The following RBFOX1 variants were observed in gnomAD, a reference collection of about 807,000 sequenced individuals.
The protein encoded by RBFOX1 is RNA binding protein fox-1 homolog 1.
In RBFOX1, 8 loss-of-function variants were observed where a neutral mutation model predicts 57.7. The ratio of observed to expected loss-of-function variants is 0.14; its 90% CI spans 0.08 to 0.25. The LOEUF (loss-of-function observed/expected upper bound fraction) is 0.25. RBFOX1 is among the 10% of genes least tolerant of loss of function. The pLI, the probability that RBFOX1 is intolerant of heterozygous loss-of-function variation, is 1.00. For missense variants in RBFOX1, 611 were observed against 548.5 expected, an observed-to-expected ratio of 1.11 and a Z score of -1.14; for synonymous variants, 326 against 222.4, an observed-to-expected ratio of 1.47 and a Z score of -4.15.
At chr16:7,453,021 A>G (rs921039001) in intron 4 of RBFOX1, among the ~76,000 whole-genome samples, 1 of 149,790 alleles carries the variant, frequency 6.7e-6, no homozygotes, top group Non-Finnish European at 1.5e-5. Flanking sequence ...TGCAGCTACT[A>G]GGGGGGCTGA....
chr16:7,522,781 TC>T (rs780481837), intron 5 of RBFOX1, among the ~76,000 whole-genome samples: 5 of 152,114 alleles, frequency 3.3e-5, no homozygotes, highest in Non-Finnish European at 5.9e-5. Context: ...AGGAATAGGA[TC>T]AAGAGTATTC....
intron 1 of RBFOX1, among the ~76,000 whole-genome samples, chr16:6,270,796 T>A (rs1214486649): frequency 6.6e-6 from 1 of 152,126 alleles, no homozygotes; most frequent in Non-Finnish European, 1.5e-5. Flanking sequence ...ATGGGAGATA[T>A]CCTGGGCCAT....
chr16:7,046,049 T>C (rs1236609181), intron 3 of RBFOX1, among the ~76,000 whole-genome samples: 1 of 152,228 alleles, frequency 6.6e-6, no homozygotes, highest in Non-Finnish European at 1.5e-5. Context: ...GGTACTGATA[T>C]TAAAATACTT....
At chr16:5,574,545 A>G (rs1267259711) in intron 2 of RBFOX1, among the ~76,000 whole-genome samples, 1 of 151,812 alleles carries the variant, frequency 6.6e-6, no homozygotes, top group African/African-American at 2.4e-5. Flanking sequence ...CCTCCCGAGT[A>G]GCTGGGATTA....
At chr16:5,870,790 A>C (rs923801157) in intron 4 of RBFOX1, among the ~76,000 whole-genome samples, 9 of 152,150 alleles carry the variant, frequency 5.9e-5, no homozygotes, top group Admixed American at 1.3e-4. Flanking sequence ...TATTCATGGC[A>C]TGTTCTGTTA....
intron 1 of RBFOX1, among the ~76,000 whole-genome samples, chr16:5,399,817 A>G (rs560453284): frequency 5.3e-5 from 8 of 151,994 alleles, no homozygotes; most frequent in South Asian, 2.1e-4. Context: ...CCATCTGTCT[A>G]TCCCTTAAGG....
At position 6,362,649 on chromosome 16, in the gene RBFOX1, A is replaced by G. The variant is rs74007303; in HGVS notation, c.-64+45592A>G. On this transcript the variant is annotated intron_variant, in intron 2 of 15. Coordinates refer to ENST00000550418, the MANE Select transcript of RBFOX1 (RefSeq NM_018723.4). ...GATGGCTTCATAGACTGATACTAGAATCCTGACGGCTTTAACCAGAAGGTG... is the reference window on the plus strand; with the variant it reads ...GATGGCTTCATAGACTGATACTAGAGTCCTGACGGCTTTAACCAGAAGGTG... 1.2e-3 allele frequency among the ~76,000 whole-genome samples: 180 copies of G among 152,310 alleles called. 2 individuals carry two copies. Among genetic ancestry groups the G allele is most frequent in the African/African-American group, 4.1e-3 (171 of 41,574 alleles).
At chr16:7,442,687 G>A (rs1025526786) in intron 4 of RBFOX1, among the ~76,000 whole-genome samples, 2 of 152,112 alleles carry the variant, frequency 1.3e-5, no homozygotes, top group Non-Finnish European at 2.9e-5. Context: ...GCAAAGTTGG[G>A]TCATGAATCT....
At chr16:6,513,726 C>G (rs1261690562) in intron 2 of RBFOX1, among the ~76,000 whole-genome samples, 1 of 151,880 alleles carries the variant, frequency 6.6e-6, no homozygotes, top group East Asian at 1.9e-4. Flanking sequence ...AAGAGTGAGA[C>G]TTCGTCTCAA....
chr16:7,371,650 T>G (rs2097568313), intron 4 of RBFOX1, among the ~76,000 whole-genome samples: 1 of 152,082 alleles, frequency 6.6e-6, no homozygotes, highest in Non-Finnish European at 1.5e-5. Context: ...CTCAGGATAC[T>G]GAGGCAGGAG....
intron 3 of RBFOX1, among the ~76,000 whole-genome samples, chr16:6,849,135 C>T (rs760769429): frequency 1.1e-4 from 17 of 152,200 alleles, no homozygotes; most frequent in Middle Eastern, 3.4e-3. Context: ...TAATCATCCC[C>T]AGAGAGTGAA....
At chr16:7,386,371 A>G (rs2097881458) in intron 4 of RBFOX1, among the ~76,000 whole-genome samples, 2 of 151,840 alleles carry the variant, frequency 1.3e-5, no homozygotes, top group South Asian at 4.2e-4. Context: ...TCCTAAAGCT[A>G]TACCCCCCAG....
In RBFOX1 at chr16:7,049,938, G is replaced by A. The variant is rs1598096696; in HGVS notation, c.-15-2119G>A. Among the ~76,000 whole-genome samples the A allele has an allele frequency of 2.0e-5, 3 of 152,224 alleles. No homozygotes were observed. In the Middle Eastern group the frequency reaches 0.01, roughly 518 times the overall value. On this transcript the variant is annotated intron_variant, in intron 3 of 15. Coordinates refer to ENST00000550418, the MANE Select transcript of RBFOX1 (RefSeq NM_018723.4). Reference sequence around the variant, plus strand: ...CATTTAAGTACATTCACAATGTTGTGCAAATATCCAGTTTGAGAACATTTT... The same window carrying A: ...CATTTAAGTACATTCACAATGTTGTACAAATATCCAGTTTGAGAACATTTT...
intron 2 of RBFOX1, among the ~76,000 whole-genome samples, chr16:6,364,963 A>C (rs930406431): frequency 1.3e-5 from 2 of 152,124 alleles, no homozygotes; most frequent in African/African-American, 4.8e-5. Flanking sequence ...AAACTGTGAT[A>C]AGAAATATCA....
chr16:6,919,939 A>G (rs1200349727), intron 3 of RBFOX1, among the ~76,000 whole-genome samples: 2 of 151,758 alleles, frequency 1.3e-5, no homozygotes, highest in Non-Finnish European at 2.9e-5. Context: ...ACCCCCTCCC[A>G]CTTTTCCCCT....
At chr16:6,722,407 A>G (rs2066194261) in intron 3 of RBFOX1, among the ~76,000 whole-genome samples, 1 of 152,216 alleles carries the variant, frequency 6.6e-6, no homozygotes, top group Non-Finnish European at 1.5e-5. Flanking sequence ...GTCCTTAGGA[A>G]GTATATTATT....
intron 1 of RBFOX1, among the ~76,000 whole-genome samples, chr16:6,126,857 C>G (rs2096593281): frequency 6.6e-6 from 1 of 152,144 alleles, no homozygotes; most frequent in South Asian, 2.1e-4. Flanking sequence ...CTTCATGAGG[C>G]TTACACTCTC....
At chr16:6,172,746 G>C (rs1011854108) in intron 1 of RBFOX1, among the ~76,000 whole-genome samples, 2 of 152,226 alleles carry the variant, frequency 1.3e-5, no homozygotes, top group African/African-American at 4.8e-5. Flanking sequence ...CTGCAGGACA[G>C]AAGGGTTTTG....
At chr16:5,461,706 C>T (rs1345609292) in intron 1 of RBFOX1, among the ~76,000 whole-genome samples, 3 of 152,006 alleles carry the variant, frequency 2.0e-5, no homozygotes, top group African/African-American at 7.2e-5. Flanking sequence ...CTTGGCAGAA[C>T]CTAATGAAAC....
Sources: gnomAD v4.1 joint callset for allele counts (sites outside exome capture counted in the v4.1 genomes callset) on GRCh38, gnomAD v4.1.1 for gene constraint, MANE v1.5 for transcripts, NCBI Gene and HGNC (gene_info 2026-07-23, HGNC 2026-07-21) for gene names.